SETBP1: variants seen among roughly 807,000 people sequenced by gnomAD.
SETBP1 encodes the protein SET binding protein 1.
A neutral mutation model predicts 101.0 loss-of-function variants in SETBP1; 9 were observed. The observed-to-expected ratio is 0.09, with a 90% CI of 0.05 to 0.16. The LOEUF (loss-of-function observed/expected upper bound fraction) is 0.16. Ranked by LOEUF, SETBP1 falls within the 10% of genes least tolerant of loss-of-function variation. The pLI, the probability that SETBP1 is intolerant of heterozygous loss-of-function variation, is 1.00. For synonymous variants in SETBP1, 818 were observed against 788.5 expected, an observed-to-expected ratio of 1.04 and a Z score of -0.63; for missense variants, 1,858 against 2,033.8, an observed-to-expected ratio of 0.91 and a Z score of 1.66.
At chr18:44,883,806 G>A (rs2069582521) in intron 3 of SETBP1, among the ~76,000 whole-genome samples, 1 of 152,162 alleles carries the variant, frequency 6.6e-6, no homozygotes, top group African/African-American at 2.4e-5. Flanking sequence ...CTGTTAAATG[G>A]TGAAATTGCA....
intron 3 of SETBP1, among the ~76,000 whole-genome samples, chr18:44,924,772 A>G (rs1025844787): frequency 6.6e-6 from 1 of 152,338 alleles, no homozygotes; most frequent in South Asian, 2.1e-4. Context: ...AAACCAAAGT[A>G]CATTGCTCAT....
intron 4 of SETBP1, among the ~76,000 whole-genome samples, chr18:45,031,211 T>C (rs1327155561): frequency 6.6e-6 from 1 of 152,214 alleles, no homozygotes; most frequent in Non-Finnish European, 1.5e-5. Context: ...AATGGGCTTT[T>C]GTGATTGTAT....
intron 5 of SETBP1, among the ~76,000 whole-genome samples, chr18:45,041,881 C>T (rs1403165436): frequency 1.1e-4 from 16 of 151,620 alleles, no homozygotes; most frequent in African/African-American, 3.6e-4. Context: ...TGCTTGAACC[C>T]GGGAGGCGGA....
At chr18:44,761,423 C>G (rs139855765) in intron 2 of SETBP1, among the ~76,000 whole-genome samples, 16 of 152,174 alleles carry the variant, frequency 1.1e-4, no homozygotes, top group Non-Finnish European at 1.6e-4. Flanking sequence ...GGTCCCCTCT[C>G]CCACATTTTA....
chr18:44,794,600 G>A (rs1156764325), intron 2 of SETBP1, among the ~76,000 whole-genome samples: 6 of 152,126 alleles, frequency 3.9e-5, no homozygotes, highest in Non-Finnish European at 7.4e-5. Flanking sequence ...GATGAGGAAA[G>A]TAACCTGCTG....
At chr18:44,909,820 T>A (rs1375303040) in intron 3 of SETBP1, among the ~76,000 whole-genome samples, 1 of 152,220 alleles carries the variant, frequency 6.6e-6, no homozygotes, top group African/African-American at 2.4e-5. Flanking sequence ...TACCATGCTA[T>A]ACCATGTCAA....
At chr18:44,961,746 T>C (rs969747318) in intron 4 of SETBP1, among the ~76,000 whole-genome samples, 46 of 152,230 alleles carry the variant, frequency 3.0e-4, no homozygotes, top group African/African-American at 1.0e-3. Context: ...CCCCCTTCCC[T>C]GCCTCACAGA....
chr18:45,043,408 C>T (rs575115401), intron 5 of SETBP1, among the ~76,000 whole-genome samples: 1 of 151,306 alleles, frequency 6.6e-6, no homozygotes, highest in East Asian at 1.9e-4. Context: ...AACACATACA[C>T]ACCAACATTC....
At chr18:44,788,520 G>A (rs2071294731) in intron 2 of SETBP1, among the ~76,000 whole-genome samples, 1 of 152,178 alleles carries the variant, frequency 6.6e-6, no homozygotes, top group Admixed American at 6.5e-5. Flanking sequence ...GCAGAGTGAA[G>A]AGAACAGGTG....
intron 2 of SETBP1, 114 bp downstream of exon 2, chr18:44,701,946 T>C: frequency 1.6e-6 from 2 of 1,282,866 alleles, no homozygotes; most frequent in Non-Finnish European, 2.2e-6. Flanking sequence ...CAACGTGGGG[T>C]TGGGGATTCA....
At chr18:44,708,611 A>G (rs982100383) in intron 2 of SETBP1, among the ~76,000 whole-genome samples, 1 of 152,178 alleles carries the variant, frequency 6.6e-6, no homozygotes, top group African/African-American at 2.4e-5. Context: ...GTCAGCTGAA[A>G]GTGTGAGGGA....
intron 3 of SETBP1, among the ~76,000 whole-genome samples, chr18:44,929,586 C>T (rs2070780592): frequency 6.6e-6 from 1 of 152,176 alleles, no homozygotes; most frequent in African/African-American, 2.4e-5. Flanking sequence ...GTTCTTCCAT[C>T]TGTTTGTATC....
rs561786751 is a variant in SETBP1 at position 44,877,350 on chromosome 18, A to G, written c.540+8067A>G. 6 of 959,652 alleles carry G rather than the reference A, an allele frequency of 6.3e-6. No individual in the cohort carries two copies. The African/African-American group carries it at 1.1e-4, about 17-fold the overall frequency. 59.4% of individuals were successfully genotyped at this position (959,652 alleles called of 1,614,324 possible). On this transcript the variant is annotated intron_variant, in intron 3 of 5. Transcript: ENST00000649279. ...CTGGTCCTTCATCAAAGATCGTTTGATAAGCTCTGTTCTAGTTAACCAACA... is the reference window on the plus strand; with the variant it reads ...CTGGTCCTTCATCAAAGATCGTTTGGTAAGCTCTGTTCTAGTTAACCAACA...
chr18:45,053,923 C>A (rs894092575), intron 5 of SETBP1, among the ~76,000 whole-genome samples: 1 of 152,016 alleles, frequency 6.6e-6, no homozygotes, highest in African/African-American at 2.4e-5. Flanking sequence ...TATAAAGAGC[C>A]CTTTGAGAGG....
At chr18:44,813,835 C>G (rs548375368) in intron 2 of SETBP1, among the ~76,000 whole-genome samples, 1 of 152,302 alleles carries the variant, frequency 6.6e-6, no homozygotes, top group African/African-American at 2.4e-5. Flanking sequence ...TGGACCACAT[C>G]TGTTTCTGGA....
intron 2 of SETBP1, among the ~76,000 whole-genome samples, chr18:44,848,898 TC>T (rs931351179): frequency 2.0e-5 from 3 of 152,202 alleles, no homozygotes; most frequent in African/African-American, 7.2e-5. Context: ...TGCTATGGCC[TC>T]AAGTATTACT....
intron 2 of SETBP1, among the ~76,000 whole-genome samples, chr18:44,727,186 C>CTGTGTGTGTGTGTGTG (rs56695366): frequency 0.012 from 1,704 of 145,242 alleles, 25 homozygotes; most frequent in African/African-American, 0.022. Flanking sequence ...TATTTGATCA[C>CTGTGTGTGTGTGTGTG]TGTGTGTGTG....
intron 5 of SETBP1, among the ~76,000 whole-genome samples, chr18:45,045,132 A>T (rs2073585120): frequency 6.6e-6 from 1 of 151,870 alleles, no homozygotes; most frequent in African/African-American, 2.4e-5. Flanking sequence ...AAAAAAAAAT[A>T]AAAAAATACA....
At chr18:44,693,629 C>T (rs1032505584) in intron 1 of SETBP1, among the ~76,000 whole-genome samples, 14 of 152,164 alleles carry the variant, frequency 9.2e-5, no homozygotes, top group African/African-American at 3.1e-4. Flanking sequence ...GAATAATCAA[C>T]CACTCCCAAA....
Sources: gnomAD v4.1 joint callset for allele counts (sites outside exome capture counted in the v4.1 genomes callset) on GRCh38, gnomAD v4.1.1 for gene constraint, MANE v1.5 for transcripts, NCBI Gene and HGNC (gene_info 2026-07-23, HGNC 2026-07-21) for gene names.